POLR2K: variants seen among roughly 807,000 people sequenced by gnomAD.
POLR2K encodes the protein DNA-directed RNA polymerases I, II, and III subunit RPABC4.
A neutral mutation model predicts 10.1 loss-of-function variants in POLR2K; 9 were observed. The observed-to-expected ratio is 0.89, with a 90% confidence interval of 0.54 to 1.56. The LOEUF (loss-of-function observed/expected upper bound fraction) is 1.56, where lower values mean the gene tolerates loss of function less well. POLR2K is among the 40% of genes most tolerant of loss of function. POLR2K has a pLI of 0.00. For missense variants in POLR2K, 53 were observed against 71.9 expected, an observed-to-expected ratio of 0.74 and a Z score of 0.95; for synonymous variants, 19 against 20.3, an observed-to-expected ratio of 0.94 and a Z score of 0.17.
Position 100,153,615 on chromosome 8 carries a change from T to C in POLR2K, c.*299T>C. 3.8e-6 allele frequency: 1 copy of C among 263,962 alleles called. No individual in the cohort carries two copies. The highest frequency in any genetic ancestry group is 7.1e-6 in the Non-Finnish European group (1 of 141,346). 16.4% of individuals were successfully genotyped at this position (263,962 alleles called of 1,614,324 possible). A position where few individuals can be genotyped will look rare whatever the true frequency, so the allele number is the denominator to read the frequency against. ...TATAATAAAAGTTATGTGAATGTGGTTGGTCTCTCTTGCTTTCAAAATATC... is the reference window on the plus strand; with the variant it reads ...TATAATAAAAGTTATGTGAATGTGGCTGGTCTCTCTTGCTTTCAAAATATC... On this transcript the variant is annotated 3_prime_UTR_variant, in exon 4 of 4. Transcript: ENST00000353107.
intron 3 of POLR2K, chr8:100,152,322 C>A: frequency 4.7e-6 from 1 of 213,228 alleles, no homozygotes; most frequent in Admixed American, 5.9e-5. Flanking sequence ...AATTGTAACA[C>A]AATGTTTTTG....
chr8:100,151,994 G>A, intron 3 of POLR2K, 78 bp downstream of exon 3: 1 of 765,104 alleles, frequency 1.3e-6, no homozygotes, highest in Non-Finnish European at 2.3e-6. Flanking sequence ...ATTAATTTCT[G>A]GTTAAAATGA....
intron 2 of POLR2K, 112 bp downstream of exon 2, chr8:100,151,528 C>T: frequency 1.3e-6 from 1 of 769,296 alleles, no homozygotes. Flanking sequence ...TAAAGTAGAA[C>T]ACTTTAGCAA....
rs532422003 is a variant in POLR2K at position 100,153,496 on chromosome 8, T to C, written c.*180T>C. 5.3e-5 allele frequency: 27 copies of C among 506,234 alleles called. No individual in the cohort carries two copies. The highest frequency in any genetic ancestry group is 4.0e-4 in the African/African-American group (20 of 50,544). 31.4% of individuals were successfully genotyped at this position (506,234 alleles called of 1,614,324 possible). ...ACAGTACCAAACCTTTATACACTGT[T>C]TTTTCCATATATATATACCTATGAT... is the stretch of plus-strand genomic sequence containing the variant. On this transcript the variant is annotated 3_prime_UTR_variant, in exon 4 of 4. Transcript: ENST00000353107.
In POLR2K at chr8:100,153,444, GC is replaced by G; in HGVS notation, c.*133del. On this transcript the variant is annotated 3_prime_UTR_variant, in exon 4 of 4. Coordinates refer to ENST00000353107, the MANE Select transcript of POLR2K (RefSeq NM_005034.4). The stretch of plus-strand genomic sequence containing the variant: ...TTATCTTCGGGAGATACATTCCAAG[GC>G]CCCCAGTGAACTCCTGAAACCTCAA... 1.3e-6 allele frequency: 1 copy of G among 770,254 alleles called. No individual in the cohort carries two copies. Among genetic ancestry groups the G allele is most frequent in the Non-Finnish European group, 2.2e-6 (1 of 453,576 alleles). 47.7% of individuals were successfully genotyped at this position (770,254 alleles called of 1,614,324 possible). A position where few individuals can be genotyped will look rare whatever the true frequency, so the allele number is the denominator to read the frequency against.
intron 2 of POLR2K, 42 bp downstream of exon 2, chr8:100,151,458 G>T: frequency 7.8e-7 from 1 of 1,276,460 alleles, no homozygotes; most frequent in South Asian, 1.2e-5. Flanking sequence ...TTTTATTTAA[G>T]TTTTTTTGAA....
intron 3 of POLR2K, among the ~76,000 whole-genome samples, chr8:100,152,379 A>G (rs1383318994): frequency 6.6e-6 from 1 of 152,240 alleles, no homozygotes; most frequent in Non-Finnish European, 1.5e-5. Context: ...GTATAATCTT[A>G]TGCGACCACT....
intron 3 of POLR2K, among the ~76,000 whole-genome samples, chr8:100,152,867 A>T (rs1175668110): frequency 6.6e-6 from 1 of 151,986 alleles, no homozygotes; most frequent in African/African-American, 2.4e-5. Context: ...TTCCGGGTTC[A>T]TGGCATTCTC....
Position 100,152,143 on chromosome 8 carries a change from A to C in POLR2K, c.154+227A>C, listed in dbSNP as rs1446065364. ...TATTTTTTAGGGATTCTGTGCAGTCAAGCTTGAGGATAGGGATACATTCTG... is the reference window on the plus strand; with the variant it reads ...TATTTTTTAGGGATTCTGTGCAGTCCAGCTTGAGGATAGGGATACATTCTG... On this transcript the variant is annotated intron_variant, in intron 3 of 3. Transcript: ENST00000353107. The C allele has an allele frequency of 6.9e-6, 4 of 578,134 alleles. No homozygotes were observed. In the Admixed American group the frequency reaches 1.4e-4, roughly 21 times the overall value. The allele number at this position is 578,134 out of a possible 1,614,324, so 35.8% of individuals were successfully genotyped here.
intron 2 of POLR2K, 191 bp downstream of exon 2, chr8:100,151,607 AAAC>A (rs1224803895): frequency 6.3e-5 from 38 of 601,892 alleles, no homozygotes; most frequent in Middle Eastern, 8.8e-4. Flanking sequence ...TAACAGAAAA[AAAC>A]AAAGCTCGTT....
At chr8:100,150,877 A>G (rs1416508381) in intron 1 of POLR2K, among the ~76,000 whole-genome samples, 168 bp downstream of exon 1, 1 of 152,198 alleles carries the variant, frequency 6.6e-6, no homozygotes, top group Non-Finnish European at 1.5e-5. Context: ...TTTAGCCAGT[A>G]GGAGTTATTT....
At chr8:100,153,210 T>C (rs1362585360) in intron 3 of POLR2K, 84 bp from the exon 4 acceptor site, 23 of 942,962 alleles carry the variant, frequency 2.4e-5, no homozygotes, top group Non-Finnish European at 3.6e-5. Context: ...CAAACCAGCT[T>C]ATTGCAAAGA....
chr8:100,153,377 G>C lies in POLR2K; in HGVS notation c.*61G>C. 6.8e-7 allele frequency: 1 copy of C among 1,467,762 alleles called. No individual in the cohort carries two copies. Among genetic ancestry groups the C allele is most frequent in the Non-Finnish European group, 9.5e-7 (1 of 1,049,546 alleles). 90.9% of individuals were successfully genotyped at this position (1,467,762 alleles called of 1,614,324 possible). ...TTGGATTTGCTCTCTTCCCATTTCT[G>C]ATTGTTGTATAGCTTTCGATTTTGC... On this transcript the variant is annotated 3_prime_UTR_variant, in exon 4 of 4. Coordinates refer to ENST00000353107, the MANE Select transcript of POLR2K (RefSeq NM_005034.4).
At chr8:100,151,682 T>C in intron 2 of POLR2K, 142 bp from the exon 3 acceptor site, 1 of 597,966 alleles carries the variant, frequency 1.7e-6, no homozygotes, top group Non-Finnish European at 3.0e-6. Context: ...TCCTATTTAA[T>C]ATATTTAATA....
chr8:100,151,425 AG>A lies in POLR2K; in HGVS notation c.61+10del. On this transcript the variant is annotated intron_variant, in intron 2 of 3. Transcript: ENST00000353107. Reference sequence around the variant, plus strand: ...GATATATATCTGTGGAGGTAAGAGTAGCACTTACCTAAAGTAAGAATATTTT... The same window carrying A: ...GATATATATCTGTGGAGGTAAGAGTACACTTACCTAAAGTAAGAATATTTT... 5 of 1,513,856 alleles carry A rather than the reference AG, an allele frequency of 3.3e-6. No individual in the cohort carries two copies. In the South Asian group the frequency reaches 4.5e-5, roughly 14 times the overall value. 93.8% of individuals were successfully genotyped at this position (1,513,856 alleles called of 1,614,324 possible).
At position 100,151,344 on chromosome 8, in the gene POLR2K, C is replaced by G. The variant is rs571341509; in HGVS notation, c.-9-3C>G. ...TATTCAGTATTTGAGTCTGTGATTT[C>G]AGGGGCTAACAATGGACACCCAGAA... On this transcript the variant is annotated splice_polypyrimidine_tract_variant and splice_region_variant and intron_variant, in intron 1 of 3. Transcript: ENST00000353107. 1 of 1,598,710 alleles carries G rather than the reference C, an allele frequency of 6.3e-7. No individual in the cohort carries two copies. Among genetic ancestry groups the G allele is most frequent in the African/African-American group, 1.3e-5 (1 of 74,676 alleles).
intron 3 of POLR2K, 128 bp downstream of exon 3, chr8:100,152,044 T>C (rs1586361255): frequency 3.0e-6 from 2 of 664,556 alleles, no homozygotes; most frequent in East Asian, 5.8e-5. Context: ...CAAACATGAT[T>C]AGCATTTTCA....
Position 100,153,744 on chromosome 8 carries a change from T to G in POLR2K, c.*428T>G, listed in dbSNP as rs1814950092. The G allele has an allele frequency of 6.5e-6, 1 of 154,654 alleles. No individual in the cohort carries two copies. Among genetic ancestry groups the G allele is most frequent in the Non-Finnish European group, 1.4e-5 (1 of 69,720 alleles). The allele number at this position is 154,654 out of a possible 1,614,324, so 9.6% of individuals were successfully genotyped here. ...AGGGGGGCACTACTGTACTTAGGAA[T>G]ACAACTATATACATATGATTTTATT... On this transcript the variant is annotated 3_prime_UTR_variant, in exon 4 of 4. Coordinates refer to ENST00000353107, the MANE Select transcript of POLR2K (RefSeq NM_005034.4).
intron 2 of POLR2K, 161 bp downstream of exon 2, chr8:100,151,577 G>A (rs1586360878): frequency 1.6e-6 from 1 of 616,506 alleles, no homozygotes; most frequent in East Asian, 2.7e-5. Flanking sequence ...ACCTGGGTTC[G>A]TCCTTGGTCT....
Sources: allele counts gnomAD v4.1 joint callset (sites outside exome capture counted in the v4.1 genomes callset), GRCh38; gene constraint gnomAD v4.1.1; transcripts MANE v1.5; gene names NCBI Gene and HGNC (gene_info 2026-07-23, HGNC 2026-07-21).